The following ZNF181 variants were observed in gnomAD, a reference collection of about 807,000 sequenced individuals.
ZNF181 encodes the protein zinc finger protein 181 (HHZ181).
A neutral mutation model predicts 11.9 loss-of-function variants in ZNF181; 8 were observed. That is an observed-to-expected ratio of 0.67 (90% CI 0.39 to 1.21). ZNF181 has a LOEUF of 1.21. ZNF181 is among the 50% of genes most tolerant of loss of function. The probability of loss-of-function intolerance (pLI) is 0.01; values close to 1 mark genes in which losing one functional copy is unlikely to be tolerated. For missense variants in ZNF181, 542 were observed against 670.9 expected, an observed-to-expected ratio of 0.81 and a Z score of 2.12; for synonymous variants, 202 against 221.1, an observed-to-expected ratio of 0.91 and a Z score of 0.77.
In ZNF181 at chr19:34,740,811, A is replaced by G. The variant is rs754738642; in HGVS notation, c.430A>G (p.Thr144Ala). ...QVDHFRPAILTSRESPTADSV... is the reference protein window; with the variant it reads ...QVDHFRPAILASRESPTADSV... ...AGACCATTTCAGACCAGCAATTCTC[A>G]CCTCTAGAGAAAGCCCCACTGCAGA... The change falls in exon 4 of 4, where the codon ACC (threonine) becomes GCC (alanine). Residue 144 changes from threonine (T) to alanine (A), a missense_variant. Thr to Ala is a moderately conservative substitution (Grantham distance 58, BLOSUM62 0). Transcript: ENST00000492450. 1.3e-5 allele frequency: 21 copies of G among 1,613,880 alleles called. No homozygotes were observed. The Admixed American group carries it at 3.5e-4, about 27-fold the overall frequency.
Position 34,741,514 on chromosome 19 carries a change from A to G in ZNF181, c.1133A>G (p.Glu378Gly), listed in dbSNP as rs2068975972. ...QKIHTGEKPYECRECGKAFCC... is the reference protein window; with the variant it reads ...QKIHTGEKPYGCRECGKAFCC... ...ATCCATACTGGAGAGAAGCCTTATG[A>G]ATGTAGAGAATGTGGGAAAGCTTTC... The change falls in exon 4 of 4, where the codon GAA (glutamate) becomes GGA (glycine). Residue 378 changes from glutamate (E) to glycine (G), a missense_variant. Coordinates refer to ENST00000492450, the MANE Select transcript of ZNF181 (RefSeq NM_001029997.4). 6.2e-7 allele frequency: 1 copy of G among 1,613,712 alleles called. No individual in the cohort carries two copies.
At position 34,739,541 on chromosome 19, in the gene ZNF181, A is replaced by C. The variant is rs1490719003; in HGVS notation, c.149A>C (p.Lys50Thr). ...LVSVAGLSVT[K>T]PYVITLLEDG... is the part of the protein sequence containing the mutation. Reference sequence around the variant, plus strand: ...CTGTAAGCAGGTCTTTCTGTAACTAAGCCATATGTGATCACGTTATTGGAG... The same window carrying C: ...CTGTAAGCAGGTCTTTCTGTAACTACGCCATATGTGATCACGTTATTGGAG... Residue 50 changes from lysine to threonine, a missense_variant, in exon 3 of 4, where the codon AAG becomes ACG. Coordinates refer to ENST00000492450, the MANE Select transcript of ZNF181 (RefSeq NM_001029997.4). The C allele has an allele frequency of 6.2e-7, 1 of 1,614,050 alleles. No homozygotes were observed. Among genetic ancestry groups the C allele is most frequent in the African/African-American group, 1.3e-5 (1 of 75,026 alleles).
chr19:34,739,313 T>C (rs761998364), intron 2 of ZNF181, 45 bp downstream of exon 2: 72 of 1,607,252 alleles, frequency 4.5e-5, no homozygotes, highest in Non-Finnish European at 4.7e-5. Context: ...CACCTTTCTT[T>C]TGCCACCCTG....
Position 34,739,179 on chromosome 19 carries a change from C to T in ZNF181, c.41C>T (p.Thr14Ile), listed in dbSNP as rs1469347138. The T allele has an allele frequency of 6.2e-6, 10 of 1,613,658 alleles. No individual in the cohort carries two copies. The highest frequency in any genetic ancestry group is 1.1e-5 in the South Asian group (1 of 91,084). ...TTTAATGATGTGGCTATAGACTTCA[C>T]TCATGAAGAGTGGGGATGGCTCAGT... ...VTFNDVAIDFTHEEWGWLSSA... is the reference protein window; with the variant it reads ...VTFNDVAIDFIHEEWGWLSSA... Residue 14 changes from threonine (T) to isoleucine (I), a missense_variant, in exon 2 of 4, where the codon ACT becomes ATT. Physicochemically the swap from Thr to Ile is moderately conservative, Grantham distance 89. Coordinates refer to ENST00000492450, the MANE Select transcript of ZNF181 (RefSeq NM_001029997.4).
At chr19:34,739,803 A>G (rs1394373043) in intron 3 of ZNF181, among the ~76,000 whole-genome samples, 182 bp downstream of exon 3, 1 of 152,202 alleles carries the variant, frequency 6.6e-6, no homozygotes, top group Non-Finnish European at 1.5e-5. Context: ...TCTATCCCAA[A>G]TTATTATCTG....
rs1417834529 is a variant in ZNF181, at chr19:34,743,012, TTCAGAG to T, written c.*919_*924del. 2 of 152,204 alleles carry T rather than the reference TTCAGAG, an allele frequency of 1.3e-5. No homozygotes were observed. The highest frequency in any genetic ancestry group is 2.9e-5 in the Non-Finnish European group (2 of 68,018). The allele number at this position is 152,204 out of a possible 1,614,324, so 9.4% of individuals were successfully genotyped here. A position where few individuals can be genotyped will look rare whatever the true frequency, so the allele number is the denominator to read the frequency against. ...AATAGCAGTATTTTGATGAGGATTA[TTCAGAG>T]TCAATTTCCAGTAGGCTTAATCAAA... On this transcript the variant is annotated 3_prime_UTR_variant, in exon 4 of 4. Coordinates refer to ENST00000492450, the MANE Select transcript of ZNF181 (RefSeq NM_001029997.4).
Position 34,742,763 on chromosome 19 carries a change from C to A in ZNF181, c.*666C>A, listed in dbSNP as rs561379736. The A allele has an allele frequency of 6.6e-6, 1 of 152,138 alleles. No individual in the cohort carries two copies. Among genetic ancestry groups the A allele is most frequent in the Non-Finnish European group, 1.5e-5 (1 of 68,018 alleles). The allele number at this position is 152,138 out of a possible 1,614,324, so 9.4% of individuals were successfully genotyped here. On this transcript the variant is annotated 3_prime_UTR_variant, in exon 4 of 4. Transcript: ENST00000492450. The stretch of plus-strand genomic sequence containing the variant: ...GTGGGCATGTGAAGATATTTAGTCA[C>A]CCAGAGGAGCCAGTAAGTGTTATAA...
At position 34,741,555 on chromosome 19, in the gene ZNF181, C is replaced by G. The variant is rs1419714771; in HGVS notation, c.1174C>G (p.Leu392Val). Residue 392 changes from leucine to valine, a missense_variant, in exon 4 of 4, where the codon CTT becomes GTT. Coordinates refer to ENST00000492450, the MANE Select transcript of ZNF181 (RefSeq NM_001029997.4). ...GAAAGCTTTCTGCTGTAGCTCACAC[C>G]TTACTCGACATCAAAGAATTCACAC... Reference protein sequence around the residue: ...CGKAFCCSSHLTRHQRIHTME... With the variant: ...CGKAFCCSSHVTRHQRIHTME... 6.2e-7 allele frequency: 1 copy of G among 1,613,890 alleles called. No homozygotes were observed. Among genetic ancestry groups the G allele is most frequent in the Non-Finnish European group, 8.5e-7 (1 of 1,179,978 alleles).
rs755674162 is a variant in ZNF181 at position 34,739,103 on chromosome 19, A to G, written c.10-45A>G. 10 of 1,609,302 alleles carry G rather than the reference A, an allele frequency of 6.2e-6. No homozygotes were observed. In the Admixed American group the frequency reaches 1.4e-4, roughly 22 times the overall value. On this transcript the variant is annotated intron_variant, in intron 1 of 3. Coordinates refer to ENST00000492450, the MANE Select transcript of ZNF181 (RefSeq NM_001029997.4). ...ATTTTACCCTTTCTTCAGTGACAGA[A>G]GAGGCCTGGGCTATGGCTGAGCCTA...
rs997756322 is a variant in ZNF181 at position 34,742,861 on chromosome 19, G to C, written c.*764G>C. 2 of 152,114 alleles carry C rather than the reference G, an allele frequency of 1.3e-5. No homozygotes were observed. The highest frequency in any genetic ancestry group is 4.8e-5 in the African/African-American group (2 of 41,424). The allele number at this position is 152,114 out of a possible 1,614,324, so 9.4% of individuals were successfully genotyped here. A position where few individuals can be genotyped will look rare whatever the true frequency, so the allele number is the denominator to read the frequency against. ...TTTTGGCATCTAATAAAATCATTTT[G>C]TATATCACAAACTCTTTCACTGTGA... is the stretch of plus-strand genomic sequence containing the variant. On this transcript the variant is annotated 3_prime_UTR_variant, in exon 4 of 4. Transcript: ENST00000492450.
chr19:34,739,457 C>T (rs1344287432), intron 2 of ZNF181, 66 bp from the exon 3 acceptor site: 2 of 1,599,136 alleles, frequency 1.3e-6, no homozygotes, highest in Admixed American at 1.7e-5. Flanking sequence ...TTCCTGTGGT[C>T]CCTCTTGTGA....
rs1432720766 is a variant in ZNF181 at position 34,739,258 on chromosome 19, G to C, written c.120G>C (p.Leu40=). The C allele has an allele frequency of 6.2e-7, 1 of 1,613,594 alleles. No homozygotes were observed. The highest frequency in any genetic ancestry group is 8.5e-7 in the Non-Finnish European group (1 of 1,179,700). The part of the protein sequence containing the change: ...KDVMVQNYEN[L]VSVAGLSVTK... The stretch of plus-strand genomic sequence containing the variant: ...TGATGGTCCAGAATTATGAGAACCT[G>C]GTCTCTGTAGGTAAGGATATTACCC... The change falls in exon 2 of 4, where the codon CTG becomes CTC. Residue 40 remains leucine, a synonymous_variant. Transcript: ENST00000492450.
In ZNF181 at chr19:34,741,525, T is replaced by C. The variant is rs2068976270; in HGVS notation, c.1144T>C (p.Cys382Arg). Residue 382 changes from cysteine (C) to arginine (R), a missense_variant, in exon 4 of 4, where the codon TGT becomes CGT. Cys to Arg is a radical substitution (Grantham distance 180). Coordinates refer to ENST00000492450, the MANE Select transcript of ZNF181 (RefSeq NM_001029997.4). Reference sequence around the variant, plus strand: ...AGAGAAGCCTTATGAATGTAGAGAATGTGGGAAAGCTTTCTGCTGTAGCTC... The same window carrying C: ...AGAGAAGCCTTATGAATGTAGAGAACGTGGGAAAGCTTTCTGCTGTAGCTC... ...TGEKPYECRECGKAFCCSSHL... is the reference protein window; with the variant it reads ...TGEKPYECRERGKAFCCSSHL... 6.2e-7 allele frequency: 1 copy of C among 1,613,850 alleles called. No homozygotes were observed. Among genetic ancestry groups the C allele is most frequent in the South Asian group, 1.1e-5 (1 of 91,068 alleles).
intron 1 of ZNF181, among the ~76,000 whole-genome samples, chr19:34,738,473 G>A (rs555489510): frequency 2.6e-5 from 4 of 152,098 alleles, no homozygotes; most frequent in African/African-American, 4.8e-5. Flanking sequence ...TTCAATACAC[G>A]CGTTTTGGGG....
In ZNF181 at chr19:34,734,535, G is replaced by C. The variant is rs1208232895; in HGVS notation, c.-503G>C. On this transcript the variant is annotated 5_prime_UTR_variant, in exon 1 of 4. Coordinates refer to ENST00000492450, the MANE Select transcript of ZNF181 (RefSeq NM_001029997.4). Reference sequence around the variant, plus strand: ...CGCCGACCTCTTGGCGCTGTTGTGAGAGTGAAGTGGGCGCGTGGTTAGACG... The same window carrying C: ...CGCCGACCTCTTGGCGCTGTTGTGACAGTGAAGTGGGCGCGTGGTTAGACG... The C allele has an allele frequency of 2.6e-5, 4 of 154,520 alleles. No individual in the cohort carries two copies. Among genetic ancestry groups the C allele is most frequent in the African/African-American group, 9.6e-5 (4 of 41,498 alleles). 9.6% of individuals were successfully genotyped at this position (154,520 alleles called of 1,614,324 possible).
intron 1 of ZNF181, among the ~76,000 whole-genome samples, chr19:34,735,716 T>C (rs1388601068): frequency 1.3e-5 from 2 of 152,218 alleles, no homozygotes; most frequent in South Asian, 4.1e-4. Context: ...ATTAGGCCAT[T>C]ACCTTTCTGA....
rs1177786780 is a variant in ZNF181, at chr19:34,735,009, C to T, written c.-29C>T. On this transcript the variant is annotated 5_prime_UTR_variant, in exon 1 of 4. Coordinates refer to ENST00000492450, the MANE Select transcript of ZNF181 (RefSeq NM_001029997.4). ...CTAAGATAAGAGCCTGGAAAGAGGACTCTGTTGGCTGTTGGAAATTGCAGA... is the reference window on the plus strand; with the variant it reads ...CTAAGATAAGAGCCTGGAAAGAGGATTCTGTTGGCTGTTGGAAATTGCAGA... The T allele has an allele frequency of 1.3e-6, 2 of 1,574,798 alleles. No homozygotes were observed. The highest frequency in any genetic ancestry group is 2.3e-5 in the South Asian group (2 of 85,616).
Position 34,740,867 on chromosome 19 carries a change from C to A in ZNF181, c.486C>A (p.Ser162Arg). Residue 162 changes from serine (S) to arginine (R), a missense_variant, in exon 4 of 4, where the codon AGC (serine) becomes AGA (arginine). By Grantham distance (110) the Ser-to-Arg change is moderately radical. Transcript: ENST00000492450. ...TTTACAAATACAATATATTTAGAAG[C>A]ACCTTTCATTCAAAGTCTACTCTTT... ...DSVYKYNIFR[S>R]TFHSKSTLSE... The A allele has an allele frequency of 6.2e-7, 1 of 1,614,020 alleles. No individual in the cohort carries two copies. Among genetic ancestry groups the A allele is most frequent in the Non-Finnish European group, 8.5e-7 (1 of 1,179,970 alleles).
At chr19:34,738,395 GCAGAGC>G (rs2068917069) in intron 1 of ZNF181, among the ~76,000 whole-genome samples, 1 of 152,160 alleles carries the variant, frequency 6.6e-6, no homozygotes, top group East Asian at 1.9e-4. Context: ...ATTCATGAGG[GCAGAGC>G]CCTCAAGGCC....
Sources: allele counts gnomAD v4.1 joint callset (sites outside exome capture counted in the v4.1 genomes callset), GRCh38; gene constraint gnomAD v4.1.1; transcripts MANE v1.5; gene names NCBI Gene and HGNC (gene_info 2026-07-23, HGNC 2026-07-21).